PDE7B: variants seen among roughly 807,000 people sequenced by gnomAD.
PDE7B encodes the protein 3',5'-cyclic-AMP phosphodiesterase 7B.
In PDE7B, 29 loss-of-function variants were observed where a neutral mutation model predicts 56.2. That is an observed-to-expected ratio of 0.52 (90% confidence interval 0.38 to 0.70). The LOEUF is 0.70. Among genes scored for constraint, PDE7B ranks in the 30% least tolerant of loss-of-function variants. The pLI is 0.00. For missense variants in PDE7B, 490 were observed against 565.0 expected, an observed-to-expected ratio of 0.87 and a Z score of 1.35; for synonymous variants, 197 against 196.9, an observed-to-expected ratio of 1.00 and a Z score of 0.00.
rs552550460 is a variant in PDE7B, at chr6:136,164,407, A to T, written c.711+8649A>T. Among the ~76,000 whole-genome samples the T allele has an allele frequency of 2.6e-5, 4 of 152,320 alleles. No individual in the cohort carries two copies. In the East Asian group the frequency reaches 7.7e-4, roughly 29 times the overall value. The stretch of plus-strand genomic sequence containing the variant: ...ATTATAGGAACTACAATTCAAGATG[A>T]GATTTGGATGGGGACACAGCCAAAC... On this transcript the variant is annotated intron_variant, in intron 8 of 12. Coordinates refer to ENST00000308191, the MANE Select transcript of PDE7B (RefSeq NM_018945.4).
intron 2 of PDE7B, among the ~76,000 whole-genome samples, chr6:136,015,129 A>T (rs1328648311): frequency 2.6e-5 from 4 of 152,248 alleles, no homozygotes; most frequent in Non-Finnish European, 5.9e-5. Context: ...TTACTTGGGC[A>T]GAATTCACTT....
chr6:136,125,635 T>A (rs1402685264), intron 3 of PDE7B, among the ~76,000 whole-genome samples: 2 of 152,066 alleles, frequency 1.3e-5, no homozygotes, highest in Non-Finnish European at 2.9e-5. Flanking sequence ...TTTGATTTTT[T>A]AAAAAAGATA....
intron 2 of PDE7B, among the ~76,000 whole-genome samples, chr6:136,014,178 G>C (rs1775937241): frequency 6.6e-6 from 1 of 152,112 alleles, no homozygotes; most frequent in Non-Finnish European, 1.5e-5. Context: ...AATTTTGCAA[G>C]AATGACATGT....
chr6:135,975,690 T>C (rs1775173715), intron 2 of PDE7B, among the ~76,000 whole-genome samples: 1 of 152,236 alleles, frequency 6.6e-6, no homozygotes, highest in Non-Finnish European at 1.5e-5. Context: ...AACTTCCAAA[T>C]TAAAACAACT....
chr6:136,140,393 G>A (rs1194639463), intron 3 of PDE7B, among the ~76,000 whole-genome samples: 2 of 152,160 alleles, frequency 1.3e-5, no homozygotes, highest in Non-Finnish European at 2.9e-5. Flanking sequence ...ATAGTTTGAA[G>A]TCAGGTAGCA....
At chr6:136,039,492 C>A (rs767779276) in intron 2 of PDE7B, among the ~76,000 whole-genome samples, 20 of 152,104 alleles carry the variant, frequency 1.3e-4, no homozygotes, top group Admixed American at 2.6e-4. Context: ...TTACCTCTCC[C>A]TTTCTCGTGG....
rs184828433 is a variant in PDE7B at position 136,058,932 on chromosome 6, G to A, written c.83-49799G>A. On this transcript the variant is annotated intron_variant, in intron 2 of 12. Coordinates refer to ENST00000308191, the MANE Select transcript of PDE7B (RefSeq NM_018945.4). ...GTTTAATAGAAAGTAAGCCTTTTAG[G>A]TTCTGCTATGGAAATAGCAGAAATA... 4.9e-4 allele frequency among the ~76,000 whole-genome samples: 75 copies of A among 152,256 alleles called. No homozygotes were observed. In the East Asian group the frequency reaches 9.1e-3, roughly 18 times the overall value.
At chr6:135,914,882 C>T (rs887236216) in intron 1 of PDE7B, among the ~76,000 whole-genome samples, 9 of 151,262 alleles carry the variant, frequency 5.9e-5, no homozygotes, top group African/African-American at 2.2e-4. Flanking sequence ...ATCACGAGGT[C>T]AGGAGTTCGA....
At chr6:135,967,869 C>A (rs1049686151) in intron 2 of PDE7B, among the ~76,000 whole-genome samples, 6 of 152,166 alleles carry the variant, frequency 3.9e-5, no homozygotes, top group African/African-American at 1.4e-4. Flanking sequence ...TGGGCAGGAC[C>A]TGAAGGCCAA....
chr6:136,058,082 C>T lies in PDE7B; in HGVS notation c.83-50649C>T, dbSNP rs529887697. ...CAAAAAGACAATCTATAACACATTG[C>T]CATTAGAATTCCAACCACTGCTTTT... On this transcript the variant is annotated intron_variant, in intron 2 of 12. Transcript: ENST00000308191. Among the ~76,000 whole-genome samples the T allele has an allele frequency of 1.6e-4, 25 of 152,240 alleles. No homozygotes were observed. The South Asian group carries it at 4.8e-3, about 29-fold the overall frequency.
chr6:136,170,375 AATC>A (rs1778859300), intron 8 of PDE7B, among the ~76,000 whole-genome samples: 1 of 152,156 alleles, frequency 6.6e-6, no homozygotes. Flanking sequence ...CATAATGTGC[AATC>A]ATCACCACTA....
At chr6:136,181,425 C>G in intron 11 of PDE7B, 102 bp downstream of exon 11, 1 of 749,736 alleles carries the variant, frequency 1.3e-6, no homozygotes, top group Non-Finnish European at 2.3e-6. Flanking sequence ...CATTTGTTCT[C>G]TCATCAACTC....
chr6:135,870,112 C>T lies in PDE7B; in HGVS notation c.21+18093C>T, dbSNP rs113981396. ...CCTAGGCTAGGGACGACATCATAAG[C>T]AGCTGGTGGGTGTTGTAGGCAAGAT... On this transcript the variant is annotated intron_variant, in intron 1 of 12. Transcript: ENST00000308191. Among the ~76,000 whole-genome samples the T allele has an allele frequency of 7.8e-3, 1,182 of 152,268 alleles. 21 individuals carry two copies. Among genetic ancestry groups the T allele is most frequent in the African/African-American group, 0.027 (1,111 of 41,570 alleles).
intron 8 of PDE7B, among the ~76,000 whole-genome samples, chr6:136,163,411 T>C (rs897206186): frequency 6.6e-6 from 1 of 152,232 alleles, no homozygotes. Context: ...CAGGGCGCCA[T>C]GTCCCAAGGC....
intron 2 of PDE7B, among the ~76,000 whole-genome samples, chr6:136,070,831 A>T (rs2128213915): frequency 6.6e-6 from 1 of 152,340 alleles, no homozygotes; most frequent in African/African-American, 2.4e-5. Context: ...ATCTAAAGTC[A>T]GTATAAAACA....
intron 2 of PDE7B, among the ~76,000 whole-genome samples, chr6:136,028,308 A>G (rs1363119595): frequency 6.6e-6 from 1 of 152,234 alleles, no homozygotes; most frequent in Admixed American, 6.5e-5. Flanking sequence ...TTGTTTAAAT[A>G]GAAGAGTCAG....
intron 1 of PDE7B, among the ~76,000 whole-genome samples, chr6:135,877,614 A>T (rs1176462421): frequency 1.3e-5 from 2 of 151,676 alleles, no homozygotes; most frequent in Non-Finnish European, 2.9e-5. Context: ...GGACAATAAA[A>T]CCCTAACCCT....
intron 2 of PDE7B, among the ~76,000 whole-genome samples, chr6:135,970,763 G>A (rs185811606): frequency 9.2e-5 from 14 of 152,292 alleles, no homozygotes; most frequent in Admixed American, 4.6e-4. Flanking sequence ...AAAGAACTAC[G>A]ACATTCGTCA....
chr6:136,053,852 G>A (rs1776679350), intron 2 of PDE7B, among the ~76,000 whole-genome samples: 1 of 152,156 alleles, frequency 6.6e-6, no homozygotes, highest in East Asian at 1.9e-4. Flanking sequence ...CTGCACAAAT[G>A]TCTTCTTTTG....
Sources: gnomAD v4.1 joint callset for allele counts (sites outside exome capture counted in the v4.1 genomes callset) on GRCh38, gnomAD v4.1.1 for gene constraint, MANE v1.5 for transcripts, NCBI Gene and HGNC (gene_info 2026-07-23, HGNC 2026-07-21) for gene names.